Variants in TP73 observed in about 807,000 individuals in gnomAD.
TP73 encodes tumor protein p73.
Under a neutral mutation model 62.5 loss-of-function variants are expected in TP73, and 25 were observed. That is an observed-to-expected ratio of 0.40 (90% CI 0.29 to 0.56). TP73 has a LOEUF of 0.56. Ranked by LOEUF, TP73 falls within the 20% of genes least tolerant of loss-of-function variation. TP73 has a pLI of 0.46. For synonymous variants in TP73, 423 were observed against 377.5 expected (o/e 1.12, Z -1.40); for missense variants, 754 against 913.3 (o/e 0.83, Z 2.25).
intron 2 of TP73, 44 bp downstream of exon 2, chr1:3,682,474 G>A: frequency 7.0e-7 from 1 of 1,429,732 alleles, no homozygotes; most frequent in South Asian, 1.4e-5. Context: ...CCCCTGGGAG[G>A]CACTCTGGGC....
chr1:3,715,202 T>G (rs1459029258), intron 4 of TP73, among the ~76,000 whole-genome samples: 3 of 152,088 alleles, frequency 2.0e-5, no homozygotes, highest in Admixed American at 6.5e-5. Context: ...GTTGTTCCCC[T>G]TACCCCTAAG....
rs1480674551 is a variant in TP73, at chr1:3,662,228, A to C, written c.-34+9587A>C. On this transcript the variant is annotated intron_variant, in intron 1 of 13. Transcript: ENST00000378295. The surrounding 1 kb of genome is among the most constrained non-coding windows in gnomAD (Gnocchi z 4.4). Reference sequence around the variant, plus strand: ...TCCTGCAGCTGTGGCATCCACAGGGAGTAAGGCCAGCCACGGAGGTCCTTT... The same window carrying C: ...TCCTGCAGCTGTGGCATCCACAGGGCGTAAGGCCAGCCACGGAGGTCCTTT... The C allele has an allele frequency of 6.6e-6, 1 of 152,164 alleles. No individual in the cohort carries two copies. The highest frequency in any genetic ancestry group is 1.5e-5 in the Non-Finnish European group (1 of 68,046). The allele number at this position is 152,164 out of a possible 1,614,324, so 9.4% of individuals were successfully genotyped here.
chr1:3,733,850 C>G lies in TP73; in HGVS notation c.*771C>G, dbSNP rs1008999543. ...GGGACCCCTCAGCAGAAAGGGACAG[C>G]CTGTCCTTAGAGGACTGGAAATTGT... On this transcript the variant is annotated 3_prime_UTR_variant, in exon 14 of 14. Transcript: ENST00000378295. 2 of 152,184 alleles carry G rather than the reference C, an allele frequency of 1.3e-5. No individual in the cohort carries two copies. The highest frequency in any genetic ancestry group is 6.5e-5 in the Admixed American group (1 of 15,288). The allele number at this position is 152,184 out of a possible 1,614,324, so 9.4% of individuals were successfully genotyped here.
In TP73 at chr1:3,701,369, C is replaced by T. The variant is rs1639154602; in HGVS notation, c.187-6180C>T. Among the ~76,000 whole-genome samples, 1 of 152,198 alleles carries T rather than the reference C, an allele frequency of 6.6e-6. No homozygotes were observed. Among genetic ancestry groups the T allele is most frequent in the African/African-American group, 2.4e-5 (1 of 41,440 alleles). ...TTTGTGCCAAGGCGTGGAGGTCATG[C>T]CTCGTGCATGGGAGCTTCCTGGACA... On this transcript the variant is annotated intron_variant, in intron 3 of 13. Coordinates refer to ENST00000378295, the MANE Select transcript of TP73 (RefSeq NM_005427.4). The surrounding 1 kb of genome is among the most constrained non-coding windows in gnomAD (Gnocchi z 4.7).
intron 13 of TP73, among the ~76,000 whole-genome samples, chr1:3,732,034 AC>A (rs1642172855): frequency 6.6e-6 from 1 of 152,210 alleles, no homozygotes; most frequent in Admixed American, 6.5e-5. Context: ...TTAAACAGCC[AC>A]GGCTTGTCTT....
chr1:3,668,149 G>T (rs1437228681), intron 1 of TP73, among the ~76,000 whole-genome samples: 1 of 152,232 alleles, frequency 6.6e-6, no homozygotes, highest in Admixed American at 6.5e-5. Flanking sequence ...TGAACTAGGG[G>T]TGGGGGAGGA....
intron 5 of TP73, 127 bp from the exon 6 acceptor site, chr1:3,723,227 A>C: frequency 1.5e-6 from 1 of 683,470 alleles, no homozygotes. Flanking sequence ...GGGGCTGGGT[A>C]CCTCTCTGCA....
At chr1:3,682,969 C>A in intron 2 of TP73, 91 bp from the exon 3 acceptor site, 1 of 1,498,936 alleles carries the variant, frequency 6.7e-7, no homozygotes. Context: ...CACCAGGAGT[C>A]TCAGGCTAGC....
intron 1 of TP73, among the ~76,000 whole-genome samples, chr1:3,679,027 C>T (rs1401936949): frequency 1.3e-5 from 2 of 152,216 alleles, no homozygotes; most frequent in African/African-American, 4.8e-5. Context: ...GGACCCACGA[C>T]CACGCTCGCT....
At position 3,682,369 on chromosome 1, in the gene TP73, G is replaced by T. The variant is rs745657321; in HGVS notation, c.4G>T (p.Ala2Ser). The change falls in exon 2 of 14, where the codon GCC becomes TCC. Residue 2 changes from alanine (A) to serine (S), a missense_variant. This residue lies in a region of TP73 where 235 missense variants were observed against 251.4 expected (regional missense o/e 0.93). Transcript: ENST00000378295. ...CTCGGAGGCCGGCGTGGGGAAGATG[G>T]CCCAGTCCACCGCCACCTCCCCTGA... M[A>S]QSTATSPDGG... 14 of 1,548,446 alleles carry T rather than the reference G, an allele frequency of 9.0e-6. No individual in the cohort carries two copies. In the Admixed American group the frequency reaches 2.3e-4, roughly 25 times the overall value.
At chr1:3,688,532 C>T (rs895212866) in intron 3 of TP73, among the ~76,000 whole-genome samples, 2 of 152,098 alleles carry the variant, frequency 1.3e-5, no homozygotes, top group African/African-American at 4.8e-5. Flanking sequence ...GCGGAATCCC[C>T]GGTGAGTCAG....
At chr1:3,681,321 G>A (rs879860726) in intron 1 of TP73, among the ~76,000 whole-genome samples, 3 of 152,162 alleles carry the variant, frequency 2.0e-5, no homozygotes, top group Admixed American at 2.0e-4. Context: ...GCCCAGGGGA[G>A]AGGTCACCTC....
chr1:3,655,918 C>T (rs1644855186), intron 1 of TP73, among the ~76,000 whole-genome samples: 1 of 152,196 alleles, frequency 6.6e-6, no homozygotes. Flanking sequence ...TGGCTCACGC[C>T]TGTAATCCCA....
At chr1:3,686,350 G>A (rs1645655974) in intron 3 of TP73, among the ~76,000 whole-genome samples, 1 of 152,228 alleles carries the variant, frequency 6.6e-6, no homozygotes, top group Non-Finnish European at 1.5e-5. Context: ...GTGGGAGACA[G>A]GCGGAGCAGG....
intron 1 of TP73, among the ~76,000 whole-genome samples, chr1:3,668,077 T>C (rs998235849): frequency 6.6e-6 from 1 of 152,204 alleles, no homozygotes; most frequent in African/African-American, 2.4e-5. Flanking sequence ...AACAAGGATG[T>C]TGAGAGGAGC....
At chr1:3,725,845 AGTGGATGGATGGAGTGGGTGGGTGG>A in intron 6 of TP73, among the ~76,000 whole-genome samples, 1 of 6,358 alleles carries the variant, frequency 1.6e-4, no homozygotes, top group African/African-American at 6.9e-4. Context: ...TGGGTGGGTG[AGTGGATGGATGGAGTGGGTGGGTGG>A]GTGGATGGAT....
chr1:3,679,907 C>T (rs1312946323), intron 1 of TP73, among the ~76,000 whole-genome samples: 1 of 151,570 alleles, frequency 6.6e-6, no homozygotes, highest in East Asian at 1.9e-4. Flanking sequence ...CTCTGTCTCT[C>T]TTCCTGTCTC....
At chr1:3,707,487 A>T in intron 3 of TP73, 62 bp from the exon 4 acceptor site, 4 of 1,563,980 alleles carry the variant, frequency 2.6e-6, no homozygotes, top group Non-Finnish European at 3.5e-6. Flanking sequence ...GACACCTCCT[A>T]GACGGGACAG....
chr1:3,727,465 T>G (rs1641744817), intron 7 of TP73, 163 bp from the exon 8 acceptor site: 1 of 1,115,212 alleles, frequency 9.0e-7, no homozygotes, highest in Non-Finnish European at 1.3e-6. Context: ...GCTTTGAGCC[T>G]CTGACTCCCT....
Sources: allele counts gnomAD v4.1 joint callset (sites outside exome capture counted in the v4.1 genomes callset), GRCh38; gene constraint gnomAD v4.1.1; regional missense constraint gnomAD v4.1.1; non-coding constraint Gnocchi (gnomAD v3.1); transcripts MANE v1.5; gene names NCBI Gene and HGNC (gene_info 2026-07-23, HGNC 2026-07-21).